Variants in ROBO2 observed in about 807,000 individuals in gnomAD.
ROBO2 encodes roundabout homolog 2.
Under a neutral mutation model 160.8 loss-of-function variants are expected in ROBO2, and 53 were observed. That is an observed-to-expected ratio of 0.33 (90% CI 0.26 to 0.41). ROBO2 has a LOEUF of 0.41. ROBO2 is among the 10% of genes least tolerant of loss of function. ROBO2 has a pLI of 1.00. For missense variants in ROBO2, 1,577 were observed against 1,722.4 expected (o/e 0.92, Z 1.49); for synonymous variants, 664 against 611.7 (o/e 1.09, Z -1.26).
intron 2 of ROBO2, among the ~76,000 whole-genome samples, chr3:76,855,373 A>G (rs528140716): frequency 2.6e-5 from 4 of 152,324 alleles, no homozygotes; most frequent in Non-Finnish European, 2.9e-5. Context: ...CTTTACCACA[A>G]CGAGGTGATA....
chr3:76,813,054 A>C (rs1436804285), intron 2 of ROBO2, among the ~76,000 whole-genome samples: 2 of 151,766 alleles, frequency 1.3e-5, no homozygotes, highest in African/African-American at 4.8e-5. Context: ...CAAGCTTTGG[A>C]ACTTGGAAGA....
chr3:76,301,197 A>G (rs1371166511), intron 2 of ROBO2, among the ~76,000 whole-genome samples: 1 of 152,142 alleles, frequency 6.6e-6, no homozygotes, highest in African/African-American at 2.4e-5. Context: ...GTGTTCAAGA[A>G]ATTCAGATTA....
chr3:77,088,269 T>C (rs2069627019), intron 1 of ROBO2, among the ~76,000 whole-genome samples: 1 of 152,222 alleles, frequency 6.6e-6, no homozygotes, highest in Admixed American at 6.5e-5. Context: ...TATGAATCTT[T>C]ATTACTTACC....
At chr3:76,831,118 T>G (rs1015833921) in intron 2 of ROBO2, among the ~76,000 whole-genome samples, 1 of 152,202 alleles carries the variant, frequency 6.6e-6, no homozygotes, top group Non-Finnish European at 1.5e-5. Context: ...CTTCAATGAA[T>G]TTTTGAGTCC....
intron 2 of ROBO2, among the ~76,000 whole-genome samples, chr3:77,291,147 T>A (rs1211505403): frequency 1.3e-5 from 2 of 150,602 alleles, no homozygotes; most frequent in Non-Finnish European, 2.9e-5. Context: ...AAACTGATGG[T>A]TAAACGGGAA....
Position 77,180,638 on chromosome 3 carries a change from G to A in ROBO2, c.388+82298G>A, listed in dbSNP as rs544279136. ...GTTTAATGAAAAAAAGACTGTAAAT[G>A]GAAAAGCTGTGATGTTCATAGACAC... On this transcript the variant is annotated intron_variant, in intron 2 of 25. Coordinates refer to ENST00000461745, the Ensembl canonical transcript of ROBO2. Among the ~76,000 whole-genome samples, 25 of 150,954 alleles carry A rather than the reference G, an allele frequency of 1.7e-4. No homozygotes were observed. In the South Asian group the frequency reaches 3.8e-3, roughly 23 times the overall value.
chr3:75,975,418 T>C (rs62267177), intron 2 of ROBO2, among the ~76,000 whole-genome samples: 1,912 of 151,504 alleles, frequency 0.013, 10 homozygotes, highest in African/African-American at 0.02. Flanking sequence ...TGTACTAATA[T>C]ATTTCGGTAG....
At chr3:77,080,110 G>C (rs373090850) in intron 1 of ROBO2, among the ~76,000 whole-genome samples, 4 of 152,224 alleles carry the variant, frequency 2.6e-5, no homozygotes, top group African/African-American at 9.6e-5. Context: ...CTTGGCTTTT[G>C]TGTCCTGTGC....
intron 2 of ROBO2, among the ~76,000 whole-genome samples, chr3:76,245,155 C>A (rs1402625938): frequency 6.6e-6 from 1 of 152,190 alleles, no homozygotes; most frequent in Non-Finnish European, 1.5e-5. Flanking sequence ...TTTCTCATGT[C>A]ATTTGTAATC....
intron 2 of ROBO2, among the ~76,000 whole-genome samples, chr3:76,441,021 A>C (rs1308448370): frequency 6.6e-6 from 1 of 152,126 alleles, no homozygotes; most frequent in Non-Finnish European, 1.5e-5. Context: ...TTTTGTTTAA[A>C]GGGTATGTGT....
chr3:77,011,935 C>T (rs1055225094), intron 2 of ROBO2, among the ~76,000 whole-genome samples: 2 of 152,096 alleles, frequency 1.3e-5, no homozygotes, highest in Non-Finnish European at 2.9e-5. Flanking sequence ...GAGCACCCAA[C>T]TTAAAACAAA....
At chr3:77,214,249 G>T (rs922596406) in intron 2 of ROBO2, among the ~76,000 whole-genome samples, 1 of 152,140 alleles carries the variant, frequency 6.6e-6, no homozygotes, top group African/African-American at 2.4e-5. Flanking sequence ...CTTCCTTTAC[G>T]AGTCTGGGTG....
chr3:75,913,768 C>T (rs1232532596), intron 1 of ROBO2, among the ~76,000 whole-genome samples: 1 of 152,096 alleles, frequency 6.6e-6, no homozygotes, highest in East Asian at 1.9e-4. Context: ...AAATCTCATC[C>T]ATATAAGAAA....
intron 2 of ROBO2, among the ~76,000 whole-genome samples, chr3:76,634,281 A>G (rs1216380074): frequency 6.6e-6 from 1 of 152,152 alleles, no homozygotes; most frequent in Non-Finnish European, 1.5e-5. Flanking sequence ...TCTTAAAAGG[A>G]CATCAGGCTG....
chr3:76,243,495 AAC>A (rs1705428394), intron 2 of ROBO2, among the ~76,000 whole-genome samples: 1 of 152,214 alleles, frequency 6.6e-6, no homozygotes, highest in Non-Finnish European at 1.5e-5. Context: ...CTAAAGAGAA[AAC>A]ACAGTAGTAC....
intron 1 of ROBO2, among the ~76,000 whole-genome samples, chr3:77,055,480 A>G (rs1394725885): frequency 1.3e-5 from 2 of 152,198 alleles, no homozygotes; most frequent in East Asian, 3.8e-4. Flanking sequence ...GGTGCTGGAA[A>G]AGAAAATATG....
At chr3:76,268,263 A>G (rs912000514) in intron 2 of ROBO2, among the ~76,000 whole-genome samples, 20 of 148,900 alleles carry the variant, frequency 1.3e-4, no homozygotes, top group East Asian at 6.3e-4. Flanking sequence ...GAGCAAAGAA[A>G]GCGAAGGGGA....
chr3:77,635,042 T>C lies in ROBO2; in HGVS notation c.3933T>C (p.Asp1311=). The stretch of plus-strand genomic sequence containing the variant: ...CTCATCGAAGGGAAGGAATGACAGA[T>C]GGTAGGTTTCTTCCCTTTACTCTTG... The change falls in exon 24 of 26, where the codon GAT becomes GAC. Residue 1311 remains aspartate (D), a splice_region_variant and synonymous_variant. Transcript: ENST00000461745. 1.9e-6 allele frequency: 3 copies of C among 1,614,064 alleles called. No homozygotes were observed. Among genetic ancestry groups the C allele is most frequent in the Non-Finnish European group, 2.5e-6 (3 of 1,179,970 alleles).
intron 2 of ROBO2, among the ~76,000 whole-genome samples, chr3:76,942,240 A>G (rs189997226): frequency 2.2e-3 from 330 of 152,310 alleles, no homozygotes; most frequent in Middle Eastern, 0.017. Flanking sequence ...TTCATCTTTC[A>G]ATCCAGCAGC....
Sources: allele counts gnomAD v4.1 joint callset (sites outside exome capture counted in the v4.1 genomes callset), GRCh38; gene constraint gnomAD v4.1.1; transcripts MANE v1.5; gene names NCBI Gene and HGNC (gene_info 2026-07-23, HGNC 2026-07-21).